The following C12orf42 variants were observed in gnomAD, a reference collection of about 807,000 sequenced individuals.
C12orf42 encodes the protein uncharacterized protein C12orf42.
In C12orf42, 25 loss-of-function variants were observed where a neutral mutation model predicts 21.6. That is an observed-to-expected ratio of 1.16 (90% CI 0.84 to 1.62). The LOEUF is 1.62. C12orf42 is among the 40% of genes most tolerant of loss of function. The pLI is 0.00. For missense variants in C12orf42, 483 were observed against 459.3 expected (o/e 1.05, Z -0.47); for synonymous variants, 174 against 175.0 (o/e 0.99, Z 0.05).
the C12orf42 span, among the ~76,000 whole-genome samples, chr12:103,117,124 A>T: frequency 6.6e-6 from 1 of 152,206 alleles, no homozygotes; most frequent in Non-Finnish European, 1.5e-5. Context: ...GCTATAGAAC[A>T]CTAGCATTTA....
At chr12:103,221,743 T>C in the C12orf42 span, among the ~76,000 whole-genome samples, 7,967 of 152,254 alleles carry the variant, frequency 0.052, 289 homozygotes, top group African/African-American at 0.091. Context: ...TCAGTAAGCC[T>C]TTGGCTTTCA....
At chr12:103,218,857 T>A in the C12orf42 span, among the ~76,000 whole-genome samples, 79 of 152,290 alleles carry the variant, frequency 5.2e-4, 1 homozygote, top group African/African-American at 1.9e-3. Context: ...TTAGCAAGAA[T>A]CTTATTAACT....
At chr12:103,483,916 G>A (rs998269322) in intron 1 of C12orf42, among the ~76,000 whole-genome samples, 2 of 152,056 alleles carry the variant, frequency 1.3e-5, no homozygotes, top group Non-Finnish European at 1.5e-5. Context: ...GCAGTGTTTG[G>A]TTTTCTGTCC....
the C12orf42 span, among the ~76,000 whole-genome samples, chr12:103,123,106 C>G: frequency 6.6e-6 from 1 of 152,126 alleles, no homozygotes; most frequent in Admixed American, 6.5e-5. Flanking sequence ...AGAAACTGAT[C>G]CAAGTCAGGG....
At chr12:103,354,991 A>G (rs543523838) in intron 4 of C12orf42, among the ~76,000 whole-genome samples, 4 of 152,260 alleles carry the variant, frequency 2.6e-5, no homozygotes, top group African/African-American at 9.6e-5. Context: ...CAAAATGAAT[A>G]CATATATTAA....
chr12:103,119,614 C>G, the C12orf42 span, among the ~76,000 whole-genome samples: 1 of 152,180 alleles, frequency 6.6e-6, no homozygotes, highest in Non-Finnish European at 1.5e-5. Context: ...TCCTCCCAAT[C>G]AGCTATATGC....
In C12orf42 at chr12:103,483,607, C is replaced by T. The variant is rs1209046855; in HGVS notation, c.-21-5160G>A. 4.0e-5 allele frequency among the ~76,000 whole-genome samples: 6 copies of T among 151,716 alleles called. No individual in the cohort carries two copies. The South Asian group carries it at 1.3e-3, about 32-fold the overall frequency. ...CACAGTAAAAGTTGAATCAAGCAGC[C>T]GTTTTTTTGCTGAATTTTTTATGTC... On this transcript the variant is annotated intron_variant, in intron 1 of 5. Transcript: ENST00000548883.
At chr12:103,357,492 T>G (rs2043695429) in intron 4 of C12orf42, among the ~76,000 whole-genome samples, 1 of 152,066 alleles carries the variant, frequency 6.6e-6, no homozygotes, top group South Asian at 2.1e-4. Flanking sequence ...ATAAGAGGAA[T>G]GCTCCATCTG....
At chr12:103,342,333 T>C (rs373821273) in intron 4 of C12orf42, among the ~76,000 whole-genome samples, 1 of 152,218 alleles carries the variant, frequency 6.6e-6, no homozygotes, top group East Asian at 1.9e-4. Context: ...TATGTTATTT[T>C]ACCCTTACGA....
At chr12:103,080,066 C>A in the C12orf42 span, among the ~76,000 whole-genome samples, 1 of 152,132 alleles carries the variant, frequency 6.6e-6, no homozygotes. Flanking sequence ...GTCTTCCCAG[C>A]CTCCCTGATC....
At chr12:103,530,628 G>GA in the C12orf42 span, among the ~76,000 whole-genome samples, 2 of 151,770 alleles carry the variant, frequency 1.3e-5, no homozygotes, top group Admixed American at 6.6e-5. Context: ...CAAGTGTTCG[G>GA]GGGGGGAAAA....
At chr12:103,204,470 A>G in the C12orf42 span, among the ~76,000 whole-genome samples, 1 of 152,194 alleles carries the variant, frequency 6.6e-6, no homozygotes, top group Non-Finnish European at 1.5e-5. Context: ...GAATTTGTAC[A>G]TTTTTATATC....
chr12:103,421,865 C>T (rs138754732), intron 2 of C12orf42, among the ~76,000 whole-genome samples: 1 of 152,196 alleles, frequency 6.6e-6, no homozygotes, highest in East Asian at 1.9e-4. Flanking sequence ...TGACTAATTA[C>T]AAAATATTTC....
upstream of C12orf42, among the ~76,000 whole-genome samples, chr12:103,498,637 T>G (rs938851146): frequency 6.6e-6 from 1 of 152,122 alleles, no homozygotes; most frequent in Non-Finnish European, 1.5e-5. Context: ...CCATCAATGA[T>G]AGACTGGATA....
chr12:103,050,404 G>A, the C12orf42 span, among the ~76,000 whole-genome samples: 1 of 152,078 alleles, frequency 6.6e-6, no homozygotes, highest in Non-Finnish European at 1.5e-5. Context: ...ATCGCTGCAG[G>A]AAACAGACAC....
the C12orf42 span, among the ~76,000 whole-genome samples, chr12:103,070,893 T>C: frequency 6.6e-6 from 1 of 152,186 alleles, no homozygotes; most frequent in Non-Finnish European, 1.5e-5. Flanking sequence ...AGAAAGAGAA[T>C]TGTTAATGAA....
the C12orf42 span, among the ~76,000 whole-genome samples, chr12:103,563,028 C>T: frequency 2.0e-5 from 3 of 152,218 alleles, no homozygotes; most frequent in Admixed American, 6.5e-5. Context: ...AGTTTGGATT[C>T]GCTTGATGAA....
chr12:103,539,220 C>A, the C12orf42 span, among the ~76,000 whole-genome samples: 1 of 151,980 alleles, frequency 6.6e-6, no homozygotes, highest in Non-Finnish European at 1.5e-5. Context: ...AGGCAAAGTA[C>A]AAAGACATTG....
At chr12:103,454,758 C>T (rs1952177331) in intron 2 of C12orf42, among the ~76,000 whole-genome samples, 1 of 152,104 alleles carries the variant, frequency 6.6e-6, no homozygotes, top group South Asian at 2.1e-4. Flanking sequence ...TATTTCATTC[C>T]ATCTTTGTTT....
Sources: gnomAD v4.1 joint callset for allele counts (sites outside exome capture counted in the v4.1 genomes callset) on GRCh38, gnomAD v4.1.1 for gene constraint, MANE v1.5 for transcripts, NCBI Gene and HGNC (gene_info 2026-07-23, HGNC 2026-07-21) for gene names.